The following AKAP19 variants were observed in gnomAD, a reference collection of about 807,000 sequenced individuals.
AKAP19 encodes A-kinase anchoring protein 19.
At chr2:189,893,421 T>G in the AKAP19 span, among the ~76,000 whole-genome samples, 1 of 152,262 alleles carries the variant, frequency 6.6e-6, no homozygotes. Context: ...TGGGCCAGAG[T>G]GCACCATTCC....
At chr2:189,964,373 C>T in the AKAP19 span, among the ~76,000 whole-genome samples, 4 of 152,112 alleles carry the variant, frequency 2.6e-5, no homozygotes, top group South Asian at 8.3e-4. Flanking sequence ...TTCTTACAGG[C>T]CCTAGGATTT....
the AKAP19 span, among the ~76,000 whole-genome samples, chr2:190,004,953 C>T: frequency 2.6e-5 from 4 of 152,292 alleles, no homozygotes; most frequent in South Asian, 8.3e-4. Context: ...TTCTTGGTCT[C>T]ACTTAGTTCA....
At chr2:189,982,285 A>G in the AKAP19 span, among the ~76,000 whole-genome samples, 1 of 152,020 alleles carries the variant, frequency 6.6e-6, no homozygotes, top group Non-Finnish European at 1.5e-5. Flanking sequence ...TCTCTGATTT[A>G]GTCTATTGTT....
the AKAP19 span, among the ~76,000 whole-genome samples, chr2:189,914,180 A>G: frequency 0.029 from 4,353 of 152,188 alleles, 214 homozygotes; most frequent in African/African-American, 0.1. Context: ...GCTGTTACGT[A>G]CAATTATAGA....
the AKAP19 span, among the ~76,000 whole-genome samples, chr2:189,896,105 C>T: frequency 6.6e-6 from 1 of 151,272 alleles, no homozygotes; most frequent in African/African-American, 2.4e-5. Flanking sequence ...ATAGAAGTTT[C>T]TTTAGAAGAA....
chr2:190,015,410 C>T, the AKAP19 span, among the ~76,000 whole-genome samples: 1 of 152,172 alleles, frequency 6.6e-6, no homozygotes, highest in Admixed American at 6.5e-5. Context: ...CCCTTTTAGC[C>T]ATGGTTGGGA....
chr2:190,049,604 G>C, the AKAP19 span, among the ~76,000 whole-genome samples: 1 of 152,188 alleles, frequency 6.6e-6, no homozygotes, highest in Non-Finnish European at 1.5e-5. Context: ...TAATTGTAGA[G>C]ACAATATCAC....
chr2:189,912,311 T>C, the AKAP19 span, among the ~76,000 whole-genome samples: 103 of 152,070 alleles, frequency 6.8e-4, no homozygotes, highest in African/African-American at 2.4e-3. Flanking sequence ...GAGGCCGAGG[T>C]GGGTGGATCA....
chr2:190,154,401 C>G, the AKAP19 span, among the ~76,000 whole-genome samples: 3 of 152,128 alleles, frequency 2.0e-5, no homozygotes, highest in Non-Finnish European at 4.4e-5. Flanking sequence ...TTCTGTTTCT[C>G]CTTGTATATT....
chr2:190,003,290 A>G, the AKAP19 span, among the ~76,000 whole-genome samples: 7 of 152,084 alleles, frequency 4.6e-5, no homozygotes, highest in Non-Finnish European at 1.0e-4. Context: ...ATATTTTTCC[A>G]CATCAGTACC....
At chr2:190,149,742 G>A in the AKAP19 span, among the ~76,000 whole-genome samples, 2 of 152,066 alleles carry the variant, frequency 1.3e-5, no homozygotes, top group Non-Finnish European at 2.9e-5. Flanking sequence ...CTATCATATG[G>A]TCTATCTTGG....
At chr2:190,170,105 G>A in the AKAP19 span, among the ~76,000 whole-genome samples, 4 of 152,188 alleles carry the variant, frequency 2.6e-5, no homozygotes, top group South Asian at 2.1e-4. Flanking sequence ...GATCATGGGC[G>A]ACAGCACAAT....
chr2:190,047,259 G>A, the AKAP19 span, among the ~76,000 whole-genome samples: 1 of 152,184 alleles, frequency 6.6e-6, no homozygotes, highest in Non-Finnish European at 1.5e-5. Flanking sequence ...ATGTGTGTGT[G>A]TGTTTGTTGC....
the AKAP19 span, among the ~76,000 whole-genome samples, chr2:190,038,199 G>A: frequency 0.029 from 4,438 of 152,292 alleles, 276 homozygotes; most frequent in Admixed American, 0.15. Context: ...ATTTTTGGAA[G>A]CATTGTGCTG....
the AKAP19 span, among the ~76,000 whole-genome samples, chr2:189,916,245 T>C: frequency 1.5e-4 from 23 of 152,018 alleles, no homozygotes; most frequent in Admixed American, 7.2e-4. Flanking sequence ...AGTGTTAATA[T>C]ACTAAAGACA....
chr2:190,139,342 G>T, the AKAP19 span, among the ~76,000 whole-genome samples: 7 of 152,140 alleles, frequency 4.6e-5, no homozygotes, highest in African/African-American at 1.7e-4. Context: ...ACTGAGAAAA[G>T]GCCATTATGA....
At chr2:190,059,386 C>A in the AKAP19 span, among the ~76,000 whole-genome samples, 2 of 151,872 alleles carry the variant, frequency 1.3e-5, no homozygotes, top group Non-Finnish European at 2.9e-5. Context: ...AATTTTTGCA[C>A]AAGAATGCTA....
chr2:190,004,446 A>G, the AKAP19 span, among the ~76,000 whole-genome samples: 908 of 149,922 alleles, frequency 6.1e-3, 11 homozygotes, highest in African/African-American at 0.021. Context: ...GCCTTTTACA[A>G]TCTGCTCCCT....
chr2:190,122,158 C>T, the AKAP19 span, among the ~76,000 whole-genome samples: 1 of 152,178 alleles, frequency 6.6e-6, no homozygotes, highest in African/African-American at 2.4e-5. Flanking sequence ...GCTAAGACTG[C>T]AACCTAGTGG....
Sources: gnomAD v4.1 joint callset for allele counts (sites outside exome capture counted in the v4.1 genomes callset) on GRCh38, gnomAD v4.1.1 for gene constraint, MANE v1.5 for transcripts, NCBI Gene and HGNC (gene_info 2026-07-23, HGNC 2026-07-21) for gene names.